NUP98: variants seen among roughly 807,000 people sequenced by gnomAD.
The protein encoded by NUP98 is nuclear pore complex protein Nup98-Nup96.
Under a neutral mutation model 191.9 loss-of-function variants are expected in NUP98, and 26 were observed. The observed-to-expected ratio is 0.14, with a 90% CI of 0.10 to 0.19. The LOEUF is 0.19. Ranked by LOEUF, NUP98 falls within the 10% of genes least tolerant of loss-of-function variation. The pLI is 1.00. For synonymous variants in NUP98, 808 were observed against 778.4 expected (o/e 1.04, Z -0.63); for missense variants, 1,941 against 2,178.8 (o/e 0.89, Z 2.17).
At chr11:3,753,227 A>G (rs2134443516) in intron 11 of NUP98, 89 bp downstream of exon 11, 1 of 1,101,720 alleles carries the variant, frequency 9.1e-7, no homozygotes, top group South Asian at 1.3e-5. Context: ...TCTTAATTCC[A>G]GTAACATAAT....
intron 21 of NUP98, among the ~76,000 whole-genome samples, 199 bp from the exon 22 acceptor site, chr11:3,705,555 G>T (rs1346415481): frequency 6.6e-6 from 1 of 152,160 alleles, no homozygotes; most frequent in African/African-American, 2.4e-5. Context: ...TCTCTTCTTT[G>T]TATCTATAGC....
intron 10 of NUP98, among the ~76,000 whole-genome samples, chr11:3,753,646 C>G (rs1217719131): frequency 6.6e-6 from 1 of 150,834 alleles, no homozygotes; most frequent in Non-Finnish European, 1.5e-5. Context: ...CGCGGTGGCT[C>G]ACGCCTGTAA....
intron 12 of NUP98, among the ~76,000 whole-genome samples, chr11:3,739,284 G>A (rs1272119504): frequency 6.6e-6 from 1 of 152,024 alleles, no homozygotes; most frequent in Non-Finnish European, 1.5e-5. Context: ...GAGTCTTGCT[G>A]TGTCACTCAG....
chr11:3,762,838 G>A, intron 9 of NUP98, 64 bp downstream of exon 9: 2 of 1,567,704 alleles, frequency 1.3e-6, no homozygotes, highest in Non-Finnish European at 1.7e-6. Context: ...CAAATCCTTA[G>A]AAGAAAATTC....
intron 28 of NUP98, among the ~76,000 whole-genome samples, chr11:3,690,347 C>G (rs920471461): frequency 6.6e-6 from 1 of 151,818 alleles, no homozygotes; most frequent in African/African-American, 2.4e-5. Flanking sequence ...GCAAGCTCTG[C>G]CTCCCGGGTT....
chr11:3,693,329 A>G lies in NUP98; in HGVS notation c.4214T>C (p.Leu1405Ser). The G allele has an allele frequency of 6.2e-7, 1 of 1,614,214 alleles. No homozygotes were observed. The highest frequency in any genetic ancestry group is 8.5e-7 in the Non-Finnish European group (1 of 1,180,034). Residue 1405 changes from leucine (L) to serine (S), a missense_variant, in exon 27 of 33, where the codon TTG (leucine) becomes TCG (serine). Around this residue, in one of 6 missense-constraint regions of NUP98, gnomAD observed 1,030 missense variants for 1,115.8 expected, o/e 0.92. Coordinates refer to ENST00000324932, the MANE Select transcript of NUP98 (RefSeq NM_016320.5). ...GATAGCCAGGGAGCGTTTCCAATCC[A>G]ACTGGGAGCACACGTTTATTTGCTT... ...EKKQINVCSQ[L>S]DWKRSLAIHL...
Position 3,742,485 on chromosome 11 carries a change from G to A in NUP98, c.1408+2024C>T, listed in dbSNP as rs370463005. On this transcript the variant is annotated intron_variant, in intron 12 of 32. Coordinates refer to ENST00000324932, the MANE Select transcript of NUP98 (RefSeq NM_016320.5). ...GGAGGCCAAGGTAGATGGATCACCT[G>A]AGGTCAGGAGTTCGAGACCAGCCTG... Among the ~76,000 whole-genome samples the A allele has an allele frequency of 2.0e-5, 3 of 152,052 alleles. No individual in the cohort carries two copies. In the South Asian group the frequency reaches 6.2e-4, roughly 32 times the overall value.
At position 3,702,688 on chromosome 11, in the gene NUP98, C is replaced by T. The variant is rs758169388; in HGVS notation, c.3287G>A (p.Arg1096Lys). 6.8e-6 allele frequency: 11 copies of T among 1,614,056 alleles called. No individual in the cohort carries two copies. The highest frequency in any genetic ancestry group is 2.2e-5 in the South Asian group (2 of 91,092). ...TTCACGAGGGACTAGGCCTAGTTGC[C>T]TACGTGTACCCACTGTTTTCAACGG... ...EVPLKTVGTRRQLGLVPREKS... is the reference protein window; with the variant it reads ...EVPLKTVGTRKQLGLVPREKS... The change falls in exon 23 of 33, where the codon AGG becomes AAG. Residue 1096 changes from arginine (R) to lysine (K), a missense_variant. Arg to Lys is a conservative substitution (Grantham distance 26). Transcript: ENST00000324932.
intron 17 of NUP98, 138 bp downstream of exon 17, chr11:3,720,570 TATCA>T (rs1198893285): frequency 6.5e-6 from 3 of 462,748 alleles, no homozygotes; most frequent in Non-Finnish European, 1.2e-5. Context: ...TTTTGTTACT[TATCA>T]ATCAAAGTAT....
chr11:3,763,151 G>T, intron 8 of NUP98, 112 bp from the exon 9 acceptor site: 2 of 934,758 alleles, frequency 2.1e-6, no homozygotes, highest in Non-Finnish European at 3.2e-6. Context: ...ACAGATATTA[G>T]GCTAAATAAC....
chr11:3,709,323 G>C, intron 20 of NUP98, among the ~76,000 whole-genome samples: 1 of 152,058 alleles, frequency 6.6e-6, no homozygotes, highest in Non-Finnish European at 1.5e-5. Context: ...CGGATCACTT[G>C]AGCCTAGAAG....
intron 18 of NUP98, among the ~76,000 whole-genome samples, chr11:3,718,582 A>G (rs982592434): frequency 1.3e-5 from 2 of 152,114 alleles, no homozygotes; most frequent in Non-Finnish European, 2.9e-5. Context: ...AGGGAAAAGA[A>G]AAGAAGCGGA....
chr11:3,713,724 T>TA (rs1357451928), intron 19 of NUP98, 94 bp downstream of exon 19: 6 of 1,179,176 alleles, frequency 5.1e-6, no homozygotes, highest in Non-Finnish European at 6.0e-6. Flanking sequence ...CATCAATCAA[T>TA]CAATAGAATT....
At position 3,788,922 on chromosome 11, in the gene NUP98, G is replaced by A. The variant is rs1396569544; in HGVS notation, c.-28-6777C>T. Among the ~76,000 whole-genome samples the A allele has an allele frequency of 1.6e-4, 24 of 152,076 alleles. No individual in the cohort carries two copies. The South Asian group carries it at 1.7e-3, about 11-fold the overall frequency. On this transcript the variant is annotated intron_variant, in intron 1 of 32. Coordinates refer to ENST00000324932, the MANE Select transcript of NUP98 (RefSeq NM_016320.5). ...AGATCGTGCCACTGCACTCCAGCCT[G>A]GATAACAACAGTGAAACTCCATCTC...
At chr11:3,753,484 A>G in intron 10 of NUP98, 76 bp from the exon 11 acceptor site, 2 of 1,113,948 alleles carry the variant, frequency 1.8e-6, no homozygotes, top group Non-Finnish European at 2.7e-6. Context: ...GTTTAACACA[A>G]AGCAGTCTGA....
intron 20 of NUP98, among the ~76,000 whole-genome samples, chr11:3,710,620 C>T (rs1042081743): frequency 6.6e-6 from 1 of 152,284 alleles, no homozygotes; most frequent in Non-Finnish European, 1.5e-5. Context: ...CATCTTGACA[C>T]AGAGATGAGA....
chr11:3,728,769 A>G (rs943289582), intron 14 of NUP98, among the ~76,000 whole-genome samples: 1 of 152,134 alleles, frequency 6.6e-6, no homozygotes, highest in Admixed American at 6.6e-5. Context: ...AATAAAAACA[A>G]TAAGAACTGA....
At chr11:3,720,964 A>T in intron 16 of NUP98, 139 bp from the exon 17 acceptor site, 12 of 434,290 alleles carry the variant, frequency 2.8e-5, no homozygotes, top group East Asian at 7.5e-5. Context: ...TCCTAGGAGA[A>T]GGGGTGTGTG....
chr11:3,703,701 A>G (rs1703691276), intron 22 of NUP98, among the ~76,000 whole-genome samples: 2 of 151,842 alleles, frequency 1.3e-5, no homozygotes, highest in African/African-American at 4.8e-5. Context: ...TAGCACATAT[A>G]AAAGTAAGAT....
Sources: allele counts gnomAD v4.1 joint callset (sites outside exome capture counted in the v4.1 genomes callset), GRCh38; gene constraint gnomAD v4.1.1; regional missense constraint gnomAD v4.1.1; transcripts MANE v1.5; gene names NCBI Gene and HGNC (gene_info 2026-07-23, HGNC 2026-07-21).